The following SLFN12L variants were observed in gnomAD, a reference collection of about 807,000 sequenced individuals.
The protein encoded by SLFN12L is schlafen family member 12 like, also known as schlafen family member 12-like.
SLFN12L carries 34 observed loss-of-function variants against 34.8 expected under a neutral mutation model. That is an observed-to-expected ratio of 0.98 (90% CI 0.74 to 1.30). The LOEUF (loss-of-function observed/expected upper bound fraction) is 1.30. Ranked by LOEUF, SLFN12L falls within the 50% of genes most tolerant of loss-of-function variation. The pLI is 0.00. For synonymous variants in SLFN12L, 259 were observed against 247.5 expected (o/e 1.05, Z -0.44); for missense variants, 703 against 696.2 (o/e 1.01, Z -0.11).
intron 2 of SLFN12L, among the ~76,000 whole-genome samples, chr17:35,502,077 CAA>C (rs1200017506): frequency 1.3e-5 from 2 of 150,298 alleles, no homozygotes; most frequent in Admixed American, 6.6e-5. Flanking sequence ...GACAGAAAGT[CAA>C]AGAGAGAGAC....
intron 1 of SLFN12L, among the ~76,000 whole-genome samples, chr17:35,530,117 CTTT>C (rs35836415): frequency 1.8e-5 from 2 of 109,476 alleles, no homozygotes; most frequent in Non-Finnish European, 3.7e-5. Context: ...ACTGCTTTGT[CTTT>C]TTTTTTTTTT....
intron 1 of SLFN12L, among the ~76,000 whole-genome samples, chr17:35,528,314 T>A (rs2072358169): frequency 6.6e-6 from 1 of 152,224 alleles, no homozygotes; most frequent in Non-Finnish European, 1.5e-5. Flanking sequence ...CCCATCAAGC[T>A]ACCAGTGACT....
intron 4 of SLFN12L, among the ~76,000 whole-genome samples, chr17:35,477,297 T>A (rs1290680824): frequency 6.6e-6 from 1 of 152,226 alleles, no homozygotes; most frequent in Non-Finnish European, 1.5e-5. Context: ...AAATGTTAAA[T>A]GTTAAGTGCA....
chr17:35,476,273 C>T (rs1367079073), intron 4 of SLFN12L, among the ~76,000 whole-genome samples: 3 of 151,990 alleles, frequency 2.0e-5, no homozygotes, highest in Non-Finnish European at 4.4e-5. Context: ...AACTCACTGG[C>T]TAATACAGGT....
rs1913795871 is a variant in SLFN12L at position 35,470,850 on chromosome 17, CT to C, written c.*4072del. On this transcript the variant is annotated 3_prime_UTR_variant, in exon 5 of 5. Coordinates refer to ENST00000628453, the MANE Select transcript of SLFN12L (RefSeq NM_001363830.2). ...CAACAGGCCCTGGTGTGTGTTAATC[CT>C]TTCCCTGTGTCCATGTGTTCTCATT... Among the ~76,000 whole-genome samples, 1 of 151,998 alleles carries C rather than the reference CT, an allele frequency of 6.6e-6. No individual in the cohort carries two copies. Among genetic ancestry groups the C allele is most frequent in the Admixed American group, 6.6e-5 (1 of 15,256 alleles).
intron 2 of SLFN12L, among the ~76,000 whole-genome samples, chr17:35,518,618 T>C (rs1915907678): frequency 6.7e-6 from 1 of 150,238 alleles, no homozygotes; most frequent in African/African-American, 2.4e-5. Context: ...CACAGGTCAT[T>C]AGAGAAAAGC....
intron 1 of SLFN12L, among the ~76,000 whole-genome samples, chr17:35,524,233 G>A (rs1165701389): frequency 6.6e-6 from 1 of 152,218 alleles, no homozygotes; most frequent in African/African-American, 2.4e-5. Context: ...AGTTGGGGGA[G>A]ATAAATAAAA....
chr17:35,500,775 T>G (rs755147002), intron 2 of SLFN12L, among the ~76,000 whole-genome samples: 3 of 151,934 alleles, frequency 2.0e-5, no homozygotes, highest in Non-Finnish European at 4.4e-5. Context: ...TTATTTTATC[T>G]ATAGATTCCA....
Position 35,479,724 on chromosome 17 carries a change from C to T in SLFN12L, c.558G>A (p.Glu186=), listed in dbSNP as rs760881626. 2 of 1,614,100 alleles carry T rather than the reference C, an allele frequency of 1.2e-6. No individual in the cohort carries two copies. The highest frequency in any genetic ancestry group is 1.7e-5 in the Admixed American group (1 of 60,020). ...CAGTTTTTTCCATGTCTTTGAGGAA[C>T]TCCAGTGCAGCAGAAGCATTCATGA... is the stretch of plus-strand genomic sequence containing the variant. ...AKVMNASAAL[E]FLKDMEKTGG... is the part of the protein sequence containing the mutation. The change falls in exon 3 of 5, where the codon GAG becomes GAA. Residue 186 remains glutamate, a synonymous_variant. Coordinates refer to ENST00000628453, the MANE Select transcript of SLFN12L (RefSeq NM_001363830.2).
rs1567647735 is a variant in SLFN12L at position 35,479,776 on chromosome 17, TACAA to T, written c.502_505del (p.Leu168ThrfsTer5). On this transcript the variant is annotated frameshift_variant, in exon 3 of 5. Coordinates refer to ENST00000628453, the MANE Select transcript of SLFN12L (RefSeq NM_001363830.2). LOFTEE classifies it high-confidence loss of function. ...TTTTGCAGACGTTACATCTCTCTTG[TACAA>T]ACTGGAGCTCAACGTGGCAATCTGC... is the stretch of plus-strand genomic sequence containing the variant. The T allele has an allele frequency of 6.2e-7, 1 of 1,613,822 alleles. No individual in the cohort carries two copies. Among genetic ancestry groups the T allele is most frequent in the South Asian group, 1.1e-5 (1 of 91,014 alleles).
rs534786848 is a variant in SLFN12L at position 35,490,062 on chromosome 17, GC to G, written c.87-9868del. ...ACCTCCTGTTCCCTCTCCCTCCAAA[GC>G]GGCGCCGTAGCCACCGGCCCCCTCC... is the stretch of plus-strand genomic sequence containing the variant. On this transcript the variant is annotated intron_variant, in intron 2 of 4. Transcript: ENST00000628453. 5.3e-4 allele frequency: 849 copies of G among 1,606,118 alleles called. 1 individual carries two copies. Among genetic ancestry groups the G allele is most frequent in the Middle Eastern group, 3.6e-3 (22 of 6,054 alleles).
chr17:35,470,915 C>G lies in SLFN12L; in HGVS notation c.*4008G>C. 6.6e-6 allele frequency among the ~76,000 whole-genome samples: 1 copy of G among 151,892 alleles called. No homozygotes were observed. The highest frequency in any genetic ancestry group is 2.4e-5 in the African/African-American group (1 of 41,356). On this transcript the variant is annotated 3_prime_UTR_variant, in exon 5 of 5. Transcript: ENST00000628453. ...TTATGAGTGAGAACATGTAGTGTTT[C>G]ATTTTCTGTTCCCATGTTAGTTTGC...
Position 35,474,820 on chromosome 17 carries a change from T to C in SLFN12L, c.*103A>G. The C allele has an allele frequency of 8.5e-7, 1 of 1,181,324 alleles. No individual in the cohort carries two copies. Among genetic ancestry groups the C allele is most frequent in the Non-Finnish European group, 1.1e-6 (1 of 872,498 alleles). The allele number at this position is 1,181,324 out of a possible 1,614,324, so 73.2% of individuals were successfully genotyped here. ...GGTGGCAGGCACATGTAATCCCAGCTACTCGGGAGGCTGAGGCAGGGAATT... is the reference window on the plus strand; with the variant it reads ...GGTGGCAGGCACATGTAATCCCAGCCACTCGGGAGGCTGAGGCAGGGAATT... On this transcript the variant is annotated 3_prime_UTR_variant, in exon 5 of 5. Coordinates refer to ENST00000628453, the MANE Select transcript of SLFN12L (RefSeq NM_001363830.2).
At chr17:35,502,416 GAAAAAAAAAAAAAAA>G (rs1161388791) in intron 2 of SLFN12L, among the ~76,000 whole-genome samples, 3 of 25,250 alleles carry the variant, frequency 1.2e-4, no homozygotes, top group Non-Finnish European at 2.7e-4. Flanking sequence ...GTATCCTAAG[GAAAAAAAAAAAAAAA>G]AAAAAAAAAA....
chr17:35,516,591 C>T (rs543587621), intron 2 of SLFN12L, among the ~76,000 whole-genome samples: 2 of 152,290 alleles, frequency 1.3e-5, no homozygotes, highest in South Asian at 2.1e-4. Flanking sequence ...TAACACACTC[C>T]CCTCAAGGGG....
chr17:35,465,989 T>C lies in SLFN12L; in HGVS notation c.*8934A>G, dbSNP rs548968308. 6.6e-6 allele frequency among the ~76,000 whole-genome samples: 1 copy of C among 152,092 alleles called. No individual in the cohort carries two copies. Among genetic ancestry groups the C allele is most frequent in the East Asian group, 1.9e-4 (1 of 5,188 alleles). ...CACATCTTACAGACAAGATCTTTTT[T>C]AATACTTAATTTTTCTAGAGCAGAT... is the stretch of plus-strand genomic sequence containing the variant. On this transcript the variant is annotated 3_prime_UTR_variant, in exon 5 of 5. Coordinates refer to ENST00000628453, the MANE Select transcript of SLFN12L (RefSeq NM_001363830.2).
rs1170781773 is a variant in SLFN12L at position 35,468,952 on chromosome 17, G to T, written c.*5971C>A. On this transcript the variant is annotated 3_prime_UTR_variant, in exon 5 of 5. Transcript: ENST00000628453. ...AATCTCTTGATGTCGGGAGGTCAAG[G>T]CTGTAATGAGCTATGACCACACCAC... Among the ~76,000 whole-genome samples, 1 of 151,902 alleles carries T rather than the reference G, an allele frequency of 6.6e-6. No homozygotes were observed. The highest frequency in any genetic ancestry group is 2.4e-5 in the African/African-American group (1 of 41,374).
chr17:35,523,445 G>T (rs1261294182), intron 1 of SLFN12L, among the ~76,000 whole-genome samples: 1 of 152,148 alleles, frequency 6.6e-6, no homozygotes, highest in East Asian at 1.9e-4. Flanking sequence ...AGGAAGTTAC[G>T]TAAAAGCTTT....
At chr17:35,532,441 CA>C (rs11323761) in intron 1 of SLFN12L, among the ~76,000 whole-genome samples, 75,819 of 118,750 alleles carry the variant, frequency 0.64, 21,411 homozygotes, top group East Asian at 0.87. Context: ...GACTCCATCT[CA>C]AAAAAAAAAA....
Sources: allele counts gnomAD v4.1 joint callset (sites outside exome capture counted in the v4.1 genomes callset), GRCh38; gene constraint gnomAD v4.1.1; transcripts MANE v1.5; gene names NCBI Gene and HGNC (gene_info 2026-07-23, HGNC 2026-07-21).